MACROD2: variants seen among roughly 807,000 people sequenced by gnomAD.
The protein encoded by MACROD2 is ADP-ribose glycohydrolase MACROD2.
MACROD2 carries 36 observed loss-of-function variants against 70.4 expected under a neutral mutation model. The observed-to-expected ratio is 0.51, with a 90% CI of 0.39 to 0.68. MACROD2 has a LOEUF of 0.68. Ranked by LOEUF, MACROD2 falls within the 30% of genes least tolerant of loss-of-function variation. MACROD2 has a pLI of 0.00. For synonymous variants in MACROD2, 172 were observed against 178.8 expected (o/e 0.96, Z 0.30); for missense variants, 496 against 538.4 (o/e 0.92, Z 0.78).
rs576391355 is a variant in MACROD2, at chr20:15,499,906, C to A, written c.645+59C>A. The A allele has an allele frequency of 1.5e-4, 226 of 1,503,056 alleles. 2 individuals carry two copies. The East Asian group carries it at 5.0e-3, about 33-fold the overall frequency. 93.1% of individuals were successfully genotyped at this position (1,503,056 alleles called of 1,614,324 possible). ...GATGATGTAATTTGATGCTCAGTTC[C>A]CCCCAAAAAAGCACATAAATTTTAT... On this transcript the variant is annotated intron_variant, in intron 8 of 17. Coordinates refer to ENST00000684519, the MANE Select transcript of MACROD2 (RefSeq NM_001351661.2).
intron 7 of MACROD2, among the ~76,000 whole-genome samples, chr20:15,456,883 C>T (rs1395409732): frequency 6.6e-6 from 1 of 151,978 alleles, no homozygotes; most frequent in Non-Finnish European, 1.5e-5. Context: ...AGCTGGTGAA[C>T]GTGAAGTTTG....
chr20:14,382,608 C>T (rs2083433425), intron 3 of MACROD2, among the ~76,000 whole-genome samples: 1 of 151,840 alleles, frequency 6.6e-6, no homozygotes, highest in African/African-American at 2.4e-5. Flanking sequence ...GCGGAGGTTG[C>T]GGTGAGCTGA....
At chr20:14,175,110 C>T (rs1428145529) in intron 3 of MACROD2, among the ~76,000 whole-genome samples, 1 of 152,164 alleles carries the variant, frequency 6.6e-6, no homozygotes, top group Non-Finnish European at 1.5e-5. Flanking sequence ...CTGGTATGTT[C>T]CTGCCATAGT....
At chr20:15,677,904 A>G (rs549491425) in intron 8 of MACROD2, among the ~76,000 whole-genome samples, 6 of 152,182 alleles carry the variant, frequency 3.9e-5, no homozygotes, top group Admixed American at 3.3e-4. Context: ...CATCTCTACT[A>G]AAAATACAAA....
At chr20:15,510,791 C>A (rs1310218876) in intron 8 of MACROD2, among the ~76,000 whole-genome samples, 1 of 152,336 alleles carries the variant, frequency 6.6e-6, no homozygotes, top group African/African-American at 2.4e-5. Context: ...GAGGCTGTAA[C>A]GGTGAGCCCA....
Position 15,265,844 on chromosome 20 carries a change from C to A in MACROD2, c.540+35783C>A, listed in dbSNP as rs1018680296. Among the ~76,000 whole-genome samples the A allele has an allele frequency of 3.9e-5, 6 of 152,208 alleles. No homozygotes were observed. The South Asian group carries it at 1.2e-3, about 32-fold the overall frequency. On this transcript the variant is annotated intron_variant, in intron 6 of 17. Coordinates refer to ENST00000684519, the MANE Select transcript of MACROD2 (RefSeq NM_001351661.2). ...TGTTCCAAAGGTTGATTTCTGATTT[C>A]TCTAACTTCTGTTGTGTCTGCATTT...
chr20:14,843,339 T>A (rs1241956724), intron 5 of MACROD2, among the ~76,000 whole-genome samples: 2 of 151,742 alleles, frequency 1.3e-5, no homozygotes, highest in African/African-American at 4.8e-5. Context: ...GTATATATTT[T>A]ATTATATATA....
At chr20:15,899,163 GTATGTGCTATGTA>G (rs1326993730) in intron 10 of MACROD2, among the ~76,000 whole-genome samples, 7 of 151,518 alleles carry the variant, frequency 4.6e-5, no homozygotes, top group African/African-American at 1.7e-4. Flanking sequence ...ATATCTGTAG[GTATGTGCTATGTA>G]TATGTATGTA....
At chr20:15,490,131 TTTCCTTCCTTCCTTCCTTCC>T (rs111772643) in intron 7 of MACROD2, among the ~76,000 whole-genome samples, 26 of 141,866 alleles carry the variant, frequency 1.8e-4, no homozygotes, top group Non-Finnish European at 3.3e-4. Context: ...CCTCTTGGCA[TTTCCTTCCTTCCTTCCTTCC>T]TTCCTTCCTT....
chr20:14,056,434 A>G (rs1236855419), intron 2 of MACROD2, among the ~76,000 whole-genome samples: 1 of 151,846 alleles, frequency 6.6e-6, no homozygotes, highest in African/African-American at 2.4e-5. Context: ...AGGTTTTTCT[A>G]ACAACTTAGT....
intron 5 of MACROD2, among the ~76,000 whole-genome samples, chr20:15,175,405 G>A (rs1292945050): frequency 1.3e-5 from 2 of 151,890 alleles, no homozygotes; most frequent in Non-Finnish European, 2.9e-5. Flanking sequence ...TTGTGCACAT[G>A]CACCCTAAAA....
intron 4 of MACROD2, among the ~76,000 whole-genome samples, chr20:14,642,569 A>G (rs184450509): frequency 9.7e-4 from 147 of 152,286 alleles, no homozygotes; most frequent in Non-Finnish European, 1.7e-3. Context: ...CACTTGAACA[A>G]CTAGAGGCCA....
At chr20:15,308,797 C>T (rs1417317044) in intron 6 of MACROD2, among the ~76,000 whole-genome samples, 1 of 152,138 alleles carries the variant, frequency 6.6e-6, no homozygotes, top group East Asian at 1.9e-4. Flanking sequence ...GTGCTCTCTC[C>T]AGCCCGGCTT....
chr20:14,809,441 A>G (rs2072680929), intron 5 of MACROD2, among the ~76,000 whole-genome samples: 1 of 152,140 alleles, frequency 6.6e-6, no homozygotes, highest in Non-Finnish European at 1.5e-5. Flanking sequence ...AACAGTGTTT[A>G]GAGGGAAATT....
At chr20:14,221,468 T>C (rs1440537558) in intron 3 of MACROD2, among the ~76,000 whole-genome samples, 1 of 152,146 alleles carries the variant, frequency 6.6e-6, no homozygotes, top group Non-Finnish European at 1.5e-5. Context: ...TCTCTCATTA[T>C]ATACAAAAAC....
chr20:14,999,796 C>A (rs2074978697), intron 5 of MACROD2, among the ~76,000 whole-genome samples: 1 of 152,190 alleles, frequency 6.6e-6, no homozygotes, highest in Non-Finnish European at 1.5e-5. Context: ...TATTTGCAAG[C>A]CTCATGGTAA....
At chr20:15,682,835 T>A (rs897246930) in intron 8 of MACROD2, among the ~76,000 whole-genome samples, 1 of 152,158 alleles carries the variant, frequency 6.6e-6, no homozygotes, top group African/African-American at 2.4e-5. Context: ...GTAAAATGAG[T>A]TTAACTTGGC....
chr20:14,725,630 A>C (rs1007118414), intron 5 of MACROD2, among the ~76,000 whole-genome samples: 1 of 152,138 alleles, frequency 6.6e-6, no homozygotes, highest in South Asian at 2.1e-4. Flanking sequence ...AAGTGAGGCA[A>C]TGGAAGGAGA....
At chr20:14,371,932 C>T (rs1193240540) in intron 3 of MACROD2, among the ~76,000 whole-genome samples, 3 of 152,082 alleles carry the variant, frequency 2.0e-5, no homozygotes, top group East Asian at 1.9e-4. Flanking sequence ...ATTAGCTCCC[C>T]CCAACCCCTC....
Sources: gnomAD v4.1 joint callset for allele counts (sites outside exome capture counted in the v4.1 genomes callset) on GRCh38, gnomAD v4.1.1 for gene constraint, MANE v1.5 for transcripts, NCBI Gene and HGNC (gene_info 2026-07-23, HGNC 2026-07-21) for gene names.